Variants in UBE2E3 observed in about 807,000 individuals in gnomAD.
UBE2E3 encodes the protein ubiquitin-conjugating enzyme E2 E3.
UBE2E3 carries 5 observed loss-of-function variants against 23.6 expected under a neutral mutation model. That is an observed-to-expected ratio of 0.21 (90% CI 0.11 to 0.44). The LOEUF (loss-of-function observed/expected upper bound fraction) is 0.44, where lower values mean the gene tolerates loss of function less well. UBE2E3 is among the 20% of genes least tolerant of loss of function. The probability of loss-of-function intolerance (pLI) is 0.99; values close to 1 mark genes in which losing one functional copy is unlikely to be tolerated. For missense variants in UBE2E3, 81 were observed against 249.8 expected (o/e 0.32, Z 4.55); for synonymous variants, 78 against 87.5 (o/e 0.89, Z 0.60).
chr2:180,999,046 T>C (rs1684916892), intron 3 of UBE2E3, among the ~76,000 whole-genome samples: 1 of 152,180 alleles, frequency 6.6e-6, no homozygotes, highest in Non-Finnish European at 1.5e-5. Flanking sequence ...GGAAGCTACC[T>C]CAAACTTGTT....
rs781608564 is a variant in UBE2E3, at chr2:181,057,867, C to T, written c.378+42C>T. Reference sequence around the variant, plus strand: ...GCATTCTTTAGTATTTAATCCTTCTCCTCTAAAATCGGTTATTCTAGAACT... The same window carrying T: ...GCATTCTTTAGTATTTAATCCTTCTTCTCTAAAATCGGTTATTCTAGAACT... On this transcript the variant is annotated intron_variant, in intron 4 of 5. Transcript: ENST00000410062. 2.2e-5 allele frequency: 35 copies of T among 1,589,536 alleles called. No homozygotes were observed. In the East Asian group the frequency reaches 4.1e-4, roughly 18 times the overall value.
intron 3 of UBE2E3, among the ~76,000 whole-genome samples, chr2:181,029,724 T>C (rs1168015769): frequency 1.3e-5 from 2 of 151,418 alleles, no homozygotes; most frequent in East Asian, 1.9e-4. Flanking sequence ...CAAGTCATAA[T>C]TGAGCTTCTT....
chr2:181,003,046 A>C (rs1685035384), intron 3 of UBE2E3, among the ~76,000 whole-genome samples: 1 of 152,224 alleles, frequency 6.6e-6, no homozygotes, highest in Non-Finnish European at 1.5e-5. Flanking sequence ...TATGTAGTAC[A>C]TGTGTGCTTT....
Position 181,056,081 on chromosome 2 carries a change from T to TA in UBE2E3, c.246-1594dup, listed in dbSNP as rs58442227. ...CCTTATGCCAAAGGAAGGAAATGCT[T>TA]AAAAAAAAAAAAAAAAAAGATGCTA... On this transcript the variant is annotated intron_variant, in intron 3 of 5. Coordinates refer to ENST00000410062, the MANE Select transcript of UBE2E3 (RefSeq NM_006357.4). Among the ~76,000 whole-genome samples, 1,181 of 135,650 alleles carry TA rather than the reference T, an allele frequency of 8.7e-3. 14 individuals are homozygous for TA. Among genetic ancestry groups the TA allele is most frequent in the Middle Eastern group, 0.048 (13 of 270 alleles). 89.0% of individuals were successfully genotyped at this position (135,650 alleles called of 152,430 possible). A position where few individuals can be genotyped will look rare whatever the true frequency, so the allele number is the denominator to read the frequency against.
At chr2:181,042,329 T>C (rs1686538467) in intron 3 of UBE2E3, among the ~76,000 whole-genome samples, 1 of 152,168 alleles carries the variant, frequency 6.6e-6, no homozygotes, top group Non-Finnish European at 1.5e-5. Context: ...ATGTTTAAAG[T>C]TTTCTGACTT....
chr2:181,021,871 G>C (rs1470797502), intron 3 of UBE2E3, among the ~76,000 whole-genome samples: 1 of 151,886 alleles, frequency 6.6e-6, no homozygotes, highest in African/African-American at 2.4e-5. Context: ...TTTCTTAAGT[G>C]ATTTTTAAAT....
chr2:181,043,560 A>T (rs1304813837), intron 3 of UBE2E3, among the ~76,000 whole-genome samples: 1 of 152,204 alleles, frequency 6.6e-6, no homozygotes, highest in African/African-American at 2.4e-5. Flanking sequence ...AATATAAAAA[A>T]AGTTAACACT....
intron 3 of UBE2E3, among the ~76,000 whole-genome samples, chr2:181,034,443 C>T (rs2105653016): frequency 6.6e-6 from 1 of 152,276 alleles, no homozygotes; most frequent in South Asian, 2.1e-4. Context: ...AACCAAACAC[C>T]ACAGGTTCTC....
chr2:181,043,537 T>C (rs531286775), intron 3 of UBE2E3, among the ~76,000 whole-genome samples: 5 of 152,170 alleles, frequency 3.3e-5, no homozygotes, highest in Non-Finnish European at 7.4e-5. Context: ...ATGCAAATCT[T>C]CCAAAATCCA....
intron 3 of UBE2E3, among the ~76,000 whole-genome samples, chr2:181,057,132 G>T (rs1471560269): frequency 6.6e-6 from 1 of 151,832 alleles, no homozygotes; most frequent in Non-Finnish European, 1.5e-5. Context: ...AGGAAATAAC[G>T]TGGTTCCAAG....
At chr2:181,037,447 T>C (rs1686330981) in intron 3 of UBE2E3, among the ~76,000 whole-genome samples, 1 of 152,150 alleles carries the variant, frequency 6.6e-6, no homozygotes, top group South Asian at 2.1e-4. Flanking sequence ...TGGAAGACAG[T>C]AGTGATATAT....
intron 3 of UBE2E3, among the ~76,000 whole-genome samples, chr2:181,029,659 C>CTTTTTTTTTTTTTTTTT (rs61149975): frequency 8.6e-6 from 1 of 116,852 alleles, no homozygotes; most frequent in South Asian, 2.9e-4. Flanking sequence ...TGTAGACAAT[C>CTTTTTTTTTTTTTTTTT]TTTTTTTTTT....
intron 3 of UBE2E3, among the ~76,000 whole-genome samples, chr2:181,030,102 G>A (rs951696645): frequency 1.3e-5 from 2 of 151,896 alleles, no homozygotes; most frequent in Non-Finnish European, 1.5e-5. Flanking sequence ...AAAGTGCTGC[G>A]ATTACAGGTG....
intron 3 of UBE2E3, among the ~76,000 whole-genome samples, chr2:181,036,681 C>T (rs781449630): frequency 6.6e-6 from 1 of 152,210 alleles, no homozygotes; most frequent in Non-Finnish European, 1.5e-5. Context: ...TGGAACTCTT[C>T]AGCCACCCTC....
At chr2:181,027,821 A>AT (rs1685946675) in intron 3 of UBE2E3, among the ~76,000 whole-genome samples, 1 of 152,060 alleles carries the variant, frequency 6.6e-6, no homozygotes, top group Admixed American at 6.6e-5. Flanking sequence ...TTGATTGTAC[A>AT]GAAAAAAGTA....
At chr2:180,982,341 C>T (rs1455153006) in intron 2 of UBE2E3, 105 bp downstream of exon 2, 3 of 1,013,042 alleles carry the variant, frequency 3.0e-6, no homozygotes, top group Non-Finnish European at 4.4e-6. Context: ...GAAATATTTA[C>T]TTCATTATCA....
At chr2:181,062,506 A>G (rs1242233147) in intron 5 of UBE2E3, among the ~76,000 whole-genome samples, 1 of 151,716 alleles carries the variant, frequency 6.6e-6, no homozygotes, top group Non-Finnish European at 1.5e-5. Context: ...GGCCAAAATT[A>G]CAAAATAGTT....
At chr2:181,041,499 G>T (rs577055739) in intron 3 of UBE2E3, among the ~76,000 whole-genome samples, 1 of 151,402 alleles carries the variant, frequency 6.6e-6, no homozygotes, top group South Asian at 2.1e-4. Context: ...AGATTGTAGT[G>T]GCACAACCGG....
chr2:181,055,503 G>A (rs1222992674), intron 3 of UBE2E3, among the ~76,000 whole-genome samples: 1 of 151,598 alleles, frequency 6.6e-6, no homozygotes, highest in Non-Finnish European at 1.5e-5. Flanking sequence ...AATGAAAAGA[G>A]GCCCCTAATC....
Sources: allele counts gnomAD v4.1 joint callset (sites outside exome capture counted in the v4.1 genomes callset), GRCh38; gene constraint gnomAD v4.1.1; transcripts MANE v1.5; gene names NCBI Gene and HGNC (gene_info 2026-07-23, HGNC 2026-07-21).